Variants in MMP26 observed in about 807,000 individuals in gnomAD.
MMP26 encodes the protein matrix metalloproteinase-26.
MMP26 carries 33 observed loss-of-function variants against 31.0 expected under a neutral mutation model. The observed-to-expected ratio is 1.06, with a 90% CI of 0.81 to 1.42. The LOEUF is 1.42. Ranked by LOEUF, MMP26 falls within the 40% of genes most tolerant of loss-of-function variation. The pLI is 0.00. For missense variants in MMP26, 347 were observed against 316.1 expected (o/e 1.10, Z -0.74); for synonymous variants, 122 against 114.9 (o/e 1.06, Z -0.40).
chr11:4,954,442 A>C (rs554107676), intron 2 of MMP26, among the ~76,000 whole-genome samples: 1 of 125,664 alleles, frequency 8.0e-6, no homozygotes, highest in East Asian at 2.3e-4. Context: ...AACCTGGTAT[A>C]GAGAGACTGA....
At chr11:4,900,607 T>A (rs1251583035) in intron 2 of MMP26, among the ~76,000 whole-genome samples, 1 of 152,188 alleles carries the variant, frequency 6.6e-6, no homozygotes, top group Non-Finnish European at 1.5e-5. Flanking sequence ...CTGATATAAA[T>A]TGTCAGGTCC....
chr11:4,769,863 T>C, intron 2 of MMP26: 1 of 1,613,502 alleles, frequency 6.2e-7, no homozygotes, highest in Non-Finnish European at 8.5e-7. Context: ...AGGCCAGGAA[T>C]GCCGGTCAAC....
chr11:4,803,266 C>A (rs1849208112), intron 2 of MMP26, among the ~76,000 whole-genome samples: 1 of 152,182 alleles, frequency 6.6e-6, no homozygotes, highest in African/African-American at 2.4e-5. Flanking sequence ...TATCTCTTTT[C>A]TAGGTACCCT....
intron 2 of MMP26, among the ~76,000 whole-genome samples, chr11:4,770,779 G>A (rs930980361): frequency 2.0e-5 from 3 of 151,980 alleles, no homozygotes; most frequent in Non-Finnish European, 4.4e-5. Flanking sequence ...GGAGGCAGAG[G>A]TTGCAGTGAG....
At chr11:4,963,325 A>G (rs775596341) in intron 2 of MMP26, among the ~76,000 whole-genome samples, 2 of 152,220 alleles carry the variant, frequency 1.3e-5, no homozygotes, top group Non-Finnish European at 2.9e-5. Flanking sequence ...TAATTTATAG[A>G]TTCAATGCTA....
chr11:4,896,104 A>G (rs1850697781), intron 2 of MMP26, among the ~76,000 whole-genome samples: 1 of 152,112 alleles, frequency 6.6e-6, no homozygotes, highest in Non-Finnish European at 1.5e-5. Flanking sequence ...CGGAGTTTCT[A>G]TTACAGCCAC....
At chr11:4,722,470 C>CTTTTT (rs60627073) in intron 1 of MMP26, among the ~76,000 whole-genome samples, 10 of 63,998 alleles carry the variant, frequency 1.6e-4, no homozygotes, top group South Asian at 6.9e-4. Flanking sequence ...GAAGTAATTA[C>CTTTTT]TTTTTTTTTT....
Position 4,907,095 on chromosome 11 carries a change from T to TAAAAAAAAAAAAAAAAAAA in MMP26, c.-144-80971_-144-80953dup, listed in dbSNP as rs3065178. On this transcript the variant is annotated intron_variant, in intron 2 of 7. Transcript: ENST00000380390. Reference sequence around the variant, plus strand: ...TGGGCAACAAGAGCAAAACTCCCTCTAAAAAAAAAAAAAAAAAAAATCCTA... The same window carrying TAAAAAAAAAAAAAAAAAAA: ...TGGGCAACAAGAGCAAAACTCCCTCTAAAAAAAAAAAAAAAAAAAAAAAAAAAAAAAAAAAAAAATCCTA... 5.3e-3 allele frequency among the ~76,000 whole-genome samples: 294 copies of TAAAAAAAAAAAAAAAAAAA among 55,034 alleles called. 9 individuals carry two copies. The highest frequency in any genetic ancestry group is 0.013 in the East Asian group (17 of 1,282). 36.1% of individuals were successfully genotyped at this position (55,034 alleles called of 152,430 possible). A position where few individuals can be genotyped will look rare whatever the true frequency, so the allele number is the denominator to read the frequency against.
rs570830076 is a variant in MMP26, at chr11:4,821,490, A to C, written c.-145+54149A>C. ...TCCTGATGGGCATTCCAGGCCTGAA[A>C]GCCACCCAGTACTGGATCTCCATCC... On this transcript the variant is annotated intron_variant, in intron 2 of 7. Coordinates refer to ENST00000380390, the MANE Select transcript of MMP26 (RefSeq NM_021801.5). The C allele has an allele frequency of 1.9e-6, 3 of 1,612,922 alleles. No individual in the cohort carries two copies. The South Asian group carries it at 3.3e-5, about 18-fold the overall frequency.
At chr11:4,966,905 CT>C (rs1846603064) in intron 2 of MMP26, among the ~76,000 whole-genome samples, 1 of 152,112 alleles carries the variant, frequency 6.6e-6, no homozygotes, top group South Asian at 2.1e-4. Flanking sequence ...GGATTTCTAC[CT>C]GTTGAGCTCA....
chr11:4,901,183 G>T (rs1850796415), intron 2 of MMP26, among the ~76,000 whole-genome samples: 1 of 110,734 alleles, frequency 9.0e-6, no homozygotes, highest in African/African-American at 3.5e-5. Flanking sequence ...TTTTGAGACG[G>T]AGTCTCACTC....
chr11:4,715,772 T>G (rs1315270940), intron 1 of MMP26, among the ~76,000 whole-genome samples: 1 of 152,214 alleles, frequency 6.6e-6, no homozygotes, highest in Non-Finnish European at 1.5e-5. Context: ...CTGCCCATCC[T>G]GGTGTACTTG....
At chr11:4,941,382 A>T (rs1846203555) in intron 2 of MMP26, among the ~76,000 whole-genome samples, 3 of 152,220 alleles carry the variant, frequency 2.0e-5, no homozygotes, top group Non-Finnish European at 2.9e-5. Flanking sequence ...CAAATTCATT[A>T]TGGATTTTCA....
chr11:4,838,315 TAAAAAAAAAAAAAAAAAAAAA>T lies in MMP26; in HGVS notation c.-145+70995_-145+71015del, dbSNP rs540572047. Among the ~76,000 whole-genome samples the T allele has an allele frequency of 2.0e-3, 54 of 27,414 alleles. 2 individuals are homozygous for T. The highest frequency in any genetic ancestry group is 0.015 in the South Asian group (9 of 586). The allele number at this position is 27,414 out of a possible 152,430, so 18.0% of individuals were successfully genotyped here. On this transcript the variant is annotated intron_variant, in intron 2 of 7. Coordinates refer to ENST00000380390, the MANE Select transcript of MMP26 (RefSeq NM_021801.5). Reference sequence around the variant, plus strand: ...CCAGGGCACAGGGCAAGACTCTGTCTAAAAAAAAAAAAAAAAAAAAAAAAAAAAAAAAAAAAAAAAAGTATG... The same window carrying T: ...CCAGGGCACAGGGCAAGACTCTGTCTAAAAAAAAAAAAAAAAAAAAGTATG...
chr11:4,785,789 C>A (rs1195456347), intron 2 of MMP26, among the ~76,000 whole-genome samples: 1 of 152,272 alleles, frequency 6.6e-6, no homozygotes, highest in South Asian at 2.1e-4. Flanking sequence ...CTAAACCTCA[C>A]TAAAAATTGC....
At chr11:4,882,161 T>C (rs779553865) in intron 2 of MMP26, 6 of 1,613,848 alleles carry the variant, frequency 3.7e-6, no homozygotes, top group East Asian at 2.2e-5. Flanking sequence ...TGGTGTTCTC[T>C]GGTTTCATGC....
Position 4,951,871 on chromosome 11 carries a change from C to T in MMP26, c.-144-36197C>T, listed in dbSNP as rs751077935. ...GCTCTACTGCCTATTTGTCTGCCCA[C>T]GATTTAGCAAACTACGTGGGTTAGT... On this transcript the variant is annotated intron_variant, in intron 2 of 7. Transcript: ENST00000380390. Among the ~76,000 whole-genome samples the T allele has an allele frequency of 3.2e-5, 4 of 124,786 alleles. 2 individuals carry two copies. The South Asian group carries it at 9.7e-4, about 30-fold the overall frequency. The allele number at this position is 124,786 out of a possible 152,430, so 81.9% of individuals were successfully genotyped here. A position where few individuals can be genotyped will look rare whatever the true frequency, so the allele number is the denominator to read the frequency against.
intron 2 of MMP26, among the ~76,000 whole-genome samples, chr11:4,810,129 C>G (rs1431049325): frequency 6.6e-6 from 1 of 152,196 alleles, no homozygotes; most frequent in African/African-American, 2.4e-5. Flanking sequence ...CCATCCCTTT[C>G]CTCTCTCCTC....
chr11:4,874,198 A>G (rs1850348780), intron 2 of MMP26, among the ~76,000 whole-genome samples: 1 of 152,128 alleles, frequency 6.6e-6, no homozygotes, highest in African/African-American at 2.4e-5. Context: ...AACATTTAAA[A>G]TACGACTAGT....
Sources: allele counts gnomAD v4.1 joint callset (sites outside exome capture counted in the v4.1 genomes callset), GRCh38; gene constraint gnomAD v4.1.1; transcripts MANE v1.5; gene names NCBI Gene and HGNC (gene_info 2026-07-23, HGNC 2026-07-21).